CEP128: variants seen among roughly 807,000 people sequenced by gnomAD.
The protein encoded by CEP128 is centrosomal protein 128kDa.
In CEP128, 132 loss-of-function variants were observed where a neutral mutation model predicts 156.7. The observed-to-expected ratio is 0.84, with a 90% CI of 0.73 to 0.97. CEP128 has a LOEUF of 0.97. Ranked by LOEUF, CEP128 falls within the 50% of genes least tolerant of loss-of-function variation. The pLI, the probability that CEP128 is intolerant of heterozygous loss-of-function variation, is 0.00. For missense variants in CEP128, 1,252 were observed against 1,281.9 expected (o/e 0.98, Z 0.36); for synonymous variants, 469 against 448.9 (o/e 1.04, Z -0.57).
Position 80,918,688 on chromosome 14 carries a change from G to T in CEP128, c.-15-2126C>A, listed in dbSNP as rs75393173. On this transcript the variant is annotated intron_variant, in intron 2 of 24. Transcript: ENST00000555265. ...AACAATTAACAAAAAGTGCTAAAGA[G>T]AGCAGGTGCAGGCCAGAGCCTACAT... Among the ~76,000 whole-genome samples the T allele has an allele frequency of 3.3e-5, 5 of 152,134 alleles. No homozygotes were observed. The East Asian group carries it at 7.7e-4, about 23-fold the overall frequency.
intron 16 of CEP128, among the ~76,000 whole-genome samples, chr14:80,771,809 T>C (rs1304746437): frequency 2.0e-5 from 3 of 152,166 alleles, no homozygotes; most frequent in Non-Finnish European, 4.4e-5. Flanking sequence ...GTGTCTCCAA[T>C]TAACACTGGC....
At chr14:80,828,089 T>G (rs1486375750) in intron 13 of CEP128, among the ~76,000 whole-genome samples, 1 of 151,926 alleles carries the variant, frequency 6.6e-6, no homozygotes, top group Non-Finnish European at 1.5e-5. Context: ...AGTCTCTTTT[T>G]CTACTTTATT....
intron 19 of CEP128, among the ~76,000 whole-genome samples, chr14:80,633,261 AAAC>A (rs1267854198): frequency 6.6e-6 from 1 of 152,132 alleles, no homozygotes; most frequent in Non-Finnish European, 1.5e-5. Flanking sequence ...AAACAAAACA[AAAC>A]AAACTAGCTT....
chr14:80,711,295 T>TTGTGTGTGTGTGTGTGTGTG (rs138953286), intron 19 of CEP128, among the ~76,000 whole-genome samples: 19 of 145,846 alleles, frequency 1.3e-4, no homozygotes, highest in African/African-American at 1.8e-4. Flanking sequence ...TAAGACTATG[T>TTGTGTGTGTGTGTGTGTGTG]TGTGTGTGTG....
intron 13 of CEP128, among the ~76,000 whole-genome samples, chr14:80,793,936 C>G (rs1901851687): frequency 1.3e-5 from 2 of 152,060 alleles, no homozygotes; most frequent in African/African-American, 4.8e-5. Flanking sequence ...TAACATTAAG[C>G]CATTAAAGAA....
At chr14:80,923,288 C>A (rs1884975845) in intron 2 of CEP128, among the ~76,000 whole-genome samples, 1 of 152,192 alleles carries the variant, frequency 6.6e-6, no homozygotes, top group African/African-American at 2.4e-5. Flanking sequence ...TGCCCATATG[C>A]AAACTTGAAT....
downstream of CEP128, among the ~76,000 whole-genome samples, chr14:80,491,777 T>C (rs1345470928): frequency 6.6e-6 from 1 of 152,208 alleles, no homozygotes; most frequent in Admixed American, 6.5e-5. Flanking sequence ...GACTTTATAG[T>C]GAACATCAAG....
chr14:80,642,305 T>C (rs899978268), intron 19 of CEP128, among the ~76,000 whole-genome samples: 1 of 152,066 alleles, frequency 6.6e-6, no homozygotes, highest in South Asian at 2.1e-4. Context: ...ATAACAAAAA[T>C]GAATAATTCT....
At chr14:80,643,141 G>A (rs920920679) in intron 19 of CEP128, among the ~76,000 whole-genome samples, 3 of 152,200 alleles carry the variant, frequency 2.0e-5, no homozygotes, top group African/African-American at 7.2e-5. Flanking sequence ...CGAAGAGCAT[G>A]AGTTCAAATC....
chr14:80,875,902 T>C (rs1397564211), intron 8 of CEP128, among the ~76,000 whole-genome samples: 1 of 152,066 alleles, frequency 6.6e-6, no homozygotes, highest in African/African-American at 2.4e-5. Flanking sequence ...TTGCATAAAA[T>C]AATAGTAATG....
intron 19 of CEP128, among the ~76,000 whole-genome samples, chr14:80,628,543 T>C (rs1004034302): frequency 1.3e-5 from 2 of 152,216 alleles, no homozygotes; most frequent in Non-Finnish European, 2.9e-5. Context: ...CTGCTGTTTT[T>C]GCCTGTCCAT....
intron 19 of CEP128, among the ~76,000 whole-genome samples, chr14:80,667,523 A>T (rs543176964): frequency 3.3e-5 from 5 of 152,220 alleles, no homozygotes; most frequent in African/African-American, 4.8e-5. Flanking sequence ...ATAAAATTTT[A>T]AAAATGCTAA....
intron 23 of CEP128, among the ~76,000 whole-genome samples, chr14:80,518,249 T>C (rs1353877295): frequency 6.6e-6 from 1 of 151,484 alleles, no homozygotes; most frequent in Non-Finnish European, 1.5e-5. Context: ...GAGCTCTCTT[T>C]ACTACCTGAC....
In CEP128 at chr14:80,569,664, T is replaced by C. The variant is rs923881209; in HGVS notation, c.2857-10362A>G. On this transcript the variant is annotated intron_variant, in intron 20 of 24. Transcript: ENST00000555265. Reference sequence around the variant, plus strand: ...AAATATTCTTATTAGACTCTCCCTATGCCAGTTAACAGTTAAACTAGTTCA... The same window carrying C: ...AAATATTCTTATTAGACTCTCCCTACGCCAGTTAACAGTTAAACTAGTTCA... Among the ~76,000 whole-genome samples the C allele has an allele frequency of 1.4e-4, 22 of 152,214 alleles. 1 individual carries two copies. Among genetic ancestry groups the C allele is most frequent in the Admixed American group, 3.9e-4 (6 of 15,282 alleles).
At position 80,614,815 on chromosome 14, in the gene CEP128, G is replaced by A. The variant is rs548394002; in HGVS notation, c.2807-34392C>T. On this transcript the variant is annotated intron_variant, in intron 19 of 24. Transcript: ENST00000555265. ...GAAATCTGCTCATGTAATAGCATTC[G>A]TCTTGCTTTGAAATCACTAATTTAC... Among the ~76,000 whole-genome samples, 19 of 152,164 alleles carry A rather than the reference G, an allele frequency of 1.2e-4. No individual in the cohort carries two copies. The East Asian group carries it at 2.5e-3, about 20-fold the overall frequency.
Position 80,871,270 on chromosome 14 carries a change from C to T in CEP128, c.646-8397G>A, listed in dbSNP as rs145733036. Among the ~76,000 whole-genome samples the T allele has an allele frequency of 9.8e-3, 1,492 of 152,104 alleles. 16 individuals are homozygous for T. Among genetic ancestry groups the T allele is most frequent in the Middle Eastern group, 0.044 (13 of 294 alleles). On this transcript the variant is annotated intron_variant, in intron 8 of 24. Transcript: ENST00000555265. The stretch of plus-strand genomic sequence containing the variant: ...AAAATAATTTGCCTGCAGTGAGAAG[C>T]ACAGATAAAGGCAGGTATGGGAGCA...
chr14:80,494,642 T>C (rs1463107534), downstream of CEP128, among the ~76,000 whole-genome samples: 1 of 152,126 alleles, frequency 6.6e-6, no homozygotes, highest in African/African-American at 2.4e-5. Context: ...TGCATATCAC[T>C]GAACTGAGAC....
intron 19 of CEP128, among the ~76,000 whole-genome samples, chr14:80,667,756 G>A (rs931903148): frequency 1.3e-5 from 2 of 151,350 alleles, no homozygotes; most frequent in African/African-American, 4.9e-5. Flanking sequence ...TACTCGGGAG[G>A]CTGAGGCAGG....
chr14:80,680,878 A>C (rs1896293826), intron 19 of CEP128, among the ~76,000 whole-genome samples: 2 of 152,096 alleles, frequency 1.3e-5, no homozygotes, highest in African/African-American at 2.4e-5. Context: ...TGGCTCTGTC[A>C]ATCATGCCCA....
Sources: allele counts gnomAD v4.1 joint callset (sites outside exome capture counted in the v4.1 genomes callset), GRCh38; gene constraint gnomAD v4.1.1; transcripts MANE v1.5; gene names NCBI Gene and HGNC (gene_info 2026-07-23, HGNC 2026-07-21).